Variants in DCDC1 observed in about 807,000 individuals in gnomAD.
DCDC1 encodes the protein doublecortin domain-containing protein 1.
A neutral mutation model predicts 178.3 loss-of-function variants in DCDC1; 200 were observed. The ratio of observed to expected loss-of-function variants is 1.12; its 90% CI spans 1.00 to 1.26. The LOEUF is 1.26. Among genes scored for constraint, DCDC1 ranks in the 50% most tolerant of loss-of-function variants. The probability of loss-of-function intolerance (pLI) is 0.00; values close to 1 mark genes in which losing one functional copy is unlikely to be tolerated. For synonymous variants in DCDC1, 690 were observed against 604.8 expected (o/e 1.14, Z -2.07); for missense variants, 1,983 against 1,749.2 (o/e 1.13, Z -2.38).
intron 21 of DCDC1, among the ~76,000 whole-genome samples, chr11:30,932,786 G>C (rs1469288471): frequency 6.6e-6 from 1 of 152,180 alleles, no homozygotes; most frequent in Non-Finnish European, 1.5e-5. Flanking sequence ...AAGAGGGATA[G>C]AGTAGGTTTA....
intron 20 of DCDC1, among the ~76,000 whole-genome samples, chr11:31,037,982 C>T (rs1024384578): frequency 7.0e-6 from 1 of 142,354 alleles, no homozygotes; most frequent in African/African-American, 2.6e-5. Flanking sequence ...TGAGAACATG[C>T]GGTGTTTGGT....
chr11:31,133,693 GTTTT>G (rs869146116), intron 10 of DCDC1, among the ~76,000 whole-genome samples: 1 of 151,002 alleles, frequency 6.6e-6, no homozygotes, highest in East Asian at 1.9e-4. Flanking sequence ...ATTTTTGTGG[GTTTT>G]TTTTTGTTTT....
At chr11:30,994,670 A>ATATAATATATAACATATTATTGT (rs1951158680) in intron 20 of DCDC1, among the ~76,000 whole-genome samples, 4 of 145,414 alleles carry the variant, frequency 2.8e-5, no homozygotes, top group African/African-American at 1.0e-4. Context: ...ATTATATAAT[A>ATATAATATATAACATATTATTGT]TATAATATAT....
intron 20 of DCDC1, among the ~76,000 whole-genome samples, chr11:30,983,844 T>C (rs866786486): frequency 8.5e-5 from 13 of 152,204 alleles, no homozygotes; most frequent in Non-Finnish European, 8.8e-5. Flanking sequence ...CAGAAATAAA[T>C]TGTTGACAAT....
At chr11:31,298,212 C>G (rs533901293) in intron 6 of DCDC1, among the ~76,000 whole-genome samples, 12 of 152,290 alleles carry the variant, frequency 7.9e-5, no homozygotes, top group African/African-American at 2.9e-4. Context: ...TCTTGAATCA[C>G]TACCTTGTTG....
chr11:31,201,686 T>C (rs1244606623), intron 9 of DCDC1, among the ~76,000 whole-genome samples: 1 of 146,766 alleles, frequency 6.8e-6, no homozygotes. Flanking sequence ...GACAATGAAA[T>C]GCAAGATGAA....
chr11:30,884,048 T>TTTTTTTTTTTTTTTTA (rs1565023355), intron 36 of DCDC1, among the ~76,000 whole-genome samples: 20 of 147,366 alleles, frequency 1.4e-4, no homozygotes, highest in South Asian at 4.4e-4. Context: ...TTTTTTTTTT[T>TTTTTTTTTTTTTTTTA]GAGACAGGGT....
At chr11:31,315,900 G>A (rs888241645) in intron 3 of DCDC1, among the ~76,000 whole-genome samples, 1 of 112,124 alleles carries the variant, frequency 8.9e-6, no homozygotes, top group African/African-American at 4.1e-5. Flanking sequence ...GTGAGAATAT[G>A]CGGTGTTTGG....
At chr11:31,165,911 T>C (rs2136192182) in intron 9 of DCDC1, among the ~76,000 whole-genome samples, 1 of 152,342 alleles carries the variant, frequency 6.6e-6, no homozygotes, top group Non-Finnish European at 1.5e-5. Flanking sequence ...ATTCAGGGAA[T>C]TTCCACAGTT....
At chr11:31,345,068 T>C (rs937822356) in intron 1 of DCDC1, among the ~76,000 whole-genome samples, 5 of 152,288 alleles carry the variant, frequency 3.3e-5, no homozygotes, top group Admixed American at 6.5e-5. Flanking sequence ...TTTTGAATAA[T>C]TGCATGCTAC....
At chr11:30,989,867 C>A (rs190332272) in intron 20 of DCDC1, among the ~76,000 whole-genome samples, 1 of 152,222 alleles carries the variant, frequency 6.6e-6, no homozygotes, top group East Asian at 1.9e-4. Flanking sequence ...ACCTCTCAGG[C>A]TACCAAAAGT....
chr11:31,229,314 C>T (rs1040647818), intron 9 of DCDC1, among the ~76,000 whole-genome samples: 1 of 151,950 alleles, frequency 6.6e-6, no homozygotes, highest in South Asian at 2.1e-4. Flanking sequence ...AACTATGGGC[C>T]AATGCCCCTC....
intron 8 of DCDC1, among the ~76,000 whole-genome samples, chr11:31,249,751 T>C (rs1379577556): frequency 2.6e-5 from 4 of 152,176 alleles, no homozygotes; most frequent in Admixed American, 6.6e-5. Context: ...TTACATTTCA[T>C]AAAATTTGAA....
At position 31,243,036 on chromosome 11, in the gene DCDC1, T is replaced by A. The variant is rs114995548; in HGVS notation, c.1055-1420A>T. ...TCACTTATTTAGCTTGAGAAACTAA[T>A]TCCTGAAATTCATCTATCAACCTCA... is the stretch of plus-strand genomic sequence containing the variant. On this transcript the variant is annotated intron_variant, in intron 8 of 38. Coordinates refer to ENST00000684477, the MANE Select transcript of DCDC1 (RefSeq NM_001387274.1). Among the ~76,000 whole-genome samples, 581 of 151,920 alleles carry A rather than the reference T, an allele frequency of 3.8e-3. 10 individuals carry two copies. The highest frequency in any genetic ancestry group is 0.014 in the African/African-American group (570 of 41,514).
At position 31,106,980 on chromosome 11, in the gene DCDC1, G is replaced by A. The variant is rs917558331; in HGVS notation, c.1588-20C>T. On this transcript the variant is annotated intron_variant, in intron 12 of 38. Transcript: ENST00000684477. Reference sequence around the variant, plus strand: ...AAGTAACTGGTTGGGGGTTAGAGGGGCAGAGGGGATAGAGGAGAATAAATA... The same window carrying A: ...AAGTAACTGGTTGGGGGTTAGAGGGACAGAGGGGATAGAGGAGAATAAATA... 7 of 760,440 alleles carry A rather than the reference G, an allele frequency of 9.2e-6. No individual in the cohort carries two copies. Among genetic ancestry groups the A allele is most frequent in the Non-Finnish European group, 1.4e-5 (6 of 415,898 alleles). The allele number at this position is 760,440 out of a possible 1,614,324, so 47.1% of individuals were successfully genotyped here. A position where few individuals can be genotyped will look rare whatever the true frequency, so the allele number is the denominator to read the frequency against.
At chr11:30,921,049 T>C (rs1946218887) in intron 24 of DCDC1, 114 bp from the exon 25 acceptor site, 2 of 1,055,904 alleles carry the variant, frequency 1.9e-6, no homozygotes. Context: ...ATTTGGTCTA[T>C]TCATAGGTTA....
chr11:30,942,923 C>G (rs1056552486), intron 21 of DCDC1, among the ~76,000 whole-genome samples: 1 of 152,200 alleles, frequency 6.6e-6, no homozygotes, highest in Admixed American at 6.5e-5. Context: ...CTTTAATTCT[C>G]GTTCTGGTGT....
intron 9 of DCDC1, among the ~76,000 whole-genome samples, chr11:31,148,531 T>C (rs1049968467): frequency 8.6e-5 from 13 of 151,966 alleles, no homozygotes; most frequent in Admixed American, 6.6e-5. Context: ...AATAAATAAA[T>C]AAATAAGTTT....
chr11:31,178,243 C>T (rs934114010), intron 9 of DCDC1, among the ~76,000 whole-genome samples: 1 of 152,176 alleles, frequency 6.6e-6, no homozygotes, highest in Non-Finnish European at 1.5e-5. Flanking sequence ...TTCATGCACC[C>T]ACAGTCACGT....
Sources: allele counts gnomAD v4.1 joint callset (sites outside exome capture counted in the v4.1 genomes callset), GRCh38; gene constraint gnomAD v4.1.1; transcripts MANE v1.5; gene names NCBI Gene and HGNC (gene_info 2026-07-23, HGNC 2026-07-21).